The following EML6 variants were observed in gnomAD, a reference collection of about 807,000 sequenced individuals.
EML6 encodes the protein EMAP like 6, also known as echinoderm microtubule-associated protein-like 6.
In EML6, 154 loss-of-function variants were observed where a neutral mutation model predicts 240.1. That is an observed-to-expected ratio of 0.64 (90% confidence interval 0.56 to 0.73). The LOEUF (loss-of-function observed/expected upper bound fraction) is 0.73. Ranked by LOEUF, EML6 falls within the 30% of genes least tolerant of loss-of-function variation. The probability of loss-of-function intolerance (pLI) is 0.00; values close to 1 mark genes in which losing one functional copy is unlikely to be tolerated. For synonymous variants in EML6, 1,148 were observed against 899.0 expected (o/e 1.28, Z -4.95); for missense variants, 2,964 against 2,474.6 (o/e 1.20, Z -4.20).
chr2:54,827,155 C>G (rs1668636285), intron 5 of EML6, among the ~76,000 whole-genome samples: 1 of 152,188 alleles, frequency 6.6e-6, no homozygotes, highest in Non-Finnish European at 1.5e-5. Flanking sequence ...AAGTTACAGA[C>G]TATCACAATT....
intron 26 of EML6, among the ~76,000 whole-genome samples, chr2:54,926,109 T>C (rs147771971): frequency 7.9e-5 from 12 of 152,168 alleles, no homozygotes; most frequent in African/African-American, 2.6e-4. Flanking sequence ...ATATTCCAGA[T>C]TTTTTTTGTT....
intron 3 of EML6, among the ~76,000 whole-genome samples, chr2:54,815,864 T>A (rs1286733110): frequency 6.6e-6 from 1 of 152,218 alleles, no homozygotes; most frequent in East Asian, 1.9e-4. Context: ...ATGTACTCAG[T>A]ACTCACACAC....
chr2:54,860,290 T>A (rs1408061378), intron 12 of EML6, among the ~76,000 whole-genome samples: 1 of 152,062 alleles, frequency 6.6e-6, no homozygotes, highest in Non-Finnish European at 1.5e-5. Context: ...AGTTAGACAT[T>A]TGGGAGTCTC....
chr2:54,874,048 G>A (rs1671386374), intron 16 of EML6, among the ~76,000 whole-genome samples: 1 of 152,076 alleles, frequency 6.6e-6, no homozygotes, highest in Non-Finnish European at 1.5e-5. Flanking sequence ...TTAATCATTT[G>A]GTTATTTCCT....
Position 54,869,198 on chromosome 2 carries a change from G to C in EML6, c.2069G>C (p.Cys690Ser). 3 of 1,551,248 alleles carry C rather than the reference G, an allele frequency of 1.9e-6. No homozygotes were observed. Among genetic ancestry groups the C allele is most frequent in the Non-Finnish European group, 2.6e-6 (3 of 1,146,632 alleles). ...QFIHGYRGYD[C>S]RNNLFYTQAG... Reference sequence around the variant, plus strand: ...TGCTTCAGTTATAGAGGCTACGACTGTAGAAACAATCTGTTCTACACACAA... The same window carrying C: ...TGCTTCAGTTATAGAGGCTACGACTCTAGAAACAATCTGTTCTACACACAA... The change falls in exon 15 of 42, where the codon TGT (cysteine) becomes TCT (serine). Residue 690 changes from cysteine to serine, a missense_variant. Transcript: ENST00000356458.
intron 2 of EML6, among the ~76,000 whole-genome samples, chr2:54,775,306 T>C (rs953060719): frequency 6.6e-6 from 1 of 152,204 alleles, no homozygotes; most frequent in African/African-American, 2.4e-5. Flanking sequence ...TCTGACCCCA[T>C]TTCTGTCCCA....
chr2:54,950,785 CG>C lies in EML6; in HGVS notation c.4213+11del. The C allele has an allele frequency of 6.5e-7, 1 of 1,546,526 alleles. No individual in the cohort carries two copies. The highest frequency in any genetic ancestry group is 8.7e-7 in the Non-Finnish European group (1 of 1,145,242). ...CGTTCAGAACCTCTCCACAGGTAAC[CG>C]GGGGTTAAAAAATACAGGTTTTTCT... On this transcript the variant is annotated splice_region_variant and intron_variant, in intron 30 of 41. Transcript: ENST00000356458.
intron 28 of EML6, among the ~76,000 whole-genome samples, chr2:54,945,664 A>G (rs1675660984): frequency 6.6e-6 from 1 of 152,134 alleles, no homozygotes; most frequent in Non-Finnish European, 1.5e-5. Context: ...GAATGCTCTT[A>G]CACATTTCAG....
intron 2 of EML6, among the ~76,000 whole-genome samples, chr2:54,805,352 G>A (rs578198663): frequency 1.8e-4 from 27 of 152,120 alleles, no homozygotes; most frequent in Admixed American, 3.3e-4. Context: ...ATAATGGTAC[G>A]CATATGTTTA....
chr2:54,942,598 C>G (rs1279449302), intron 28 of EML6, among the ~76,000 whole-genome samples: 1 of 152,046 alleles, frequency 6.6e-6, no homozygotes, highest in Non-Finnish European at 1.5e-5. Context: ...TGCTCTTTAC[C>G]CGACTCCCTC....
At chr2:54,899,396 G>A (rs529709379) in intron 21 of EML6, among the ~76,000 whole-genome samples, 90 of 152,286 alleles carry the variant, frequency 5.9e-4, no homozygotes, top group African/African-American at 2.0e-3. Flanking sequence ...AAACCAATAA[G>A]CAATGAGTTC....
At position 54,892,557 on chromosome 2, in the gene EML6, A is replaced by G; in HGVS notation, c.2643A>G (p.Gly881=). ...YGRMEDLVFS[G]AATGDIFIWK... is the part of the protein sequence containing the mutation. Reference sequence around the variant, plus strand: ...GAATGGAAGATCTAGTGTTCTCAGGAGCAGCTACTGGAGATATTTTTATTT... The same window carrying G: ...GAATGGAAGATCTAGTGTTCTCAGGGGCAGCTACTGGAGATATTTTTATTT... Residue 881 remains glycine (G), a synonymous_variant, in exon 19 of 42, where the codon GGA becomes GGG. Coordinates refer to ENST00000356458, the MANE Select transcript of EML6 (RefSeq NM_001039753.4). 1 of 1,551,386 alleles carries G rather than the reference A, an allele frequency of 6.4e-7. No individual in the cohort carries two copies. Among genetic ancestry groups the G allele is most frequent in the Non-Finnish European group, 8.7e-7 (1 of 1,146,636 alleles).
Position 54,807,631 on chromosome 2 carries a change from C to G in EML6, c.198-5601C>G, listed in dbSNP as rs140464816. Reference sequence around the variant, plus strand: ...GAGTAACACACCATCTATGGTATTTCTACCATATGGATAGGATAGCAATAA... The same window carrying G: ...GAGTAACACACCATCTATGGTATTTGTACCATATGGATAGGATAGCAATAA... On this transcript the variant is annotated intron_variant, in intron 2 of 41. Transcript: ENST00000356458. Among the ~76,000 whole-genome samples the G allele has an allele frequency of 2.0e-3, 305 of 152,238 alleles. 1 individual carries two copies. The highest frequency in any genetic ancestry group is 7.1e-3 in the African/African-American group (296 of 41,534).
At chr2:54,733,928 T>G (rs1683278123) in intron 2 of EML6, among the ~76,000 whole-genome samples, 1 of 151,766 alleles carries the variant, frequency 6.6e-6, no homozygotes. Flanking sequence ...GAAGGTGGAG[T>G]AGAAGAGAAG....
At chr2:54,961,184 G>GTTGTTTTTTTTTTTTGTTTTT in intron 35 of EML6, among the ~76,000 whole-genome samples, 1 of 55,424 alleles carries the variant, frequency 1.8e-5, no homozygotes. Context: ...TCAGGAAGTA[G>GTTGTTTTTTTTTTTTGTTTTT]TTTTTTTTTT....
At chr2:54,780,050 G>A (rs1487401449) in intron 2 of EML6, among the ~76,000 whole-genome samples, 1 of 151,832 alleles carries the variant, frequency 6.6e-6, no homozygotes, top group African/African-American at 2.4e-5. Context: ...CTCCTAATTC[G>A]GCTTTCCAAA....
At chr2:54,753,797 G>C (rs151301809) in intron 2 of EML6, among the ~76,000 whole-genome samples, 1 of 151,292 alleles carries the variant, frequency 6.6e-6, no homozygotes, top group Non-Finnish European at 1.5e-5. Flanking sequence ...TCAGCCTCCC[G>C]AGTAGTTGGG....
At chr2:54,917,095 A>T (rs1673957360) in intron 26 of EML6, among the ~76,000 whole-genome samples, 160 bp downstream of exon 26, 1 of 152,170 alleles carries the variant, frequency 6.6e-6, no homozygotes, top group Non-Finnish European at 1.5e-5. Context: ...TGTTTGAGTG[A>T]CTAATTTCAG....
At chr2:54,808,282 C>G (rs1215734449) in intron 2 of EML6, among the ~76,000 whole-genome samples, 2 of 152,194 alleles carry the variant, frequency 1.3e-5, no homozygotes, top group African/African-American at 4.8e-5. Flanking sequence ...TCCACTACCT[C>G]CAGGCCACTG....
Sources: allele counts gnomAD v4.1 joint callset (sites outside exome capture counted in the v4.1 genomes callset), GRCh38; gene constraint gnomAD v4.1.1; transcripts MANE v1.5; gene names NCBI Gene and HGNC (gene_info 2026-07-23, HGNC 2026-07-21).